The following ATP6V1B1 variants were observed in gnomAD, a reference collection of about 807,000 sequenced individuals.
ATP6V1B1 encodes the protein V-type proton ATPase subunit B, kidney isoform.
Under a neutral mutation model 62.1 loss-of-function variants are expected in ATP6V1B1, and 41 were observed. That is an observed-to-expected ratio of 0.66 (90% CI 0.51 to 0.86). The LOEUF (loss-of-function observed/expected upper bound fraction) is 0.86. ATP6V1B1 is among the 40% of genes least tolerant of loss of function. ATP6V1B1 has a pLI of 0.00. For synonymous variants in ATP6V1B1, 253 were observed against 273.4 expected (o/e 0.93, Z 0.74); for missense variants, 651 against 697.5 (o/e 0.93, Z 0.75).
intron 13 of ATP6V1B1, 23 bp from the exon 14 acceptor site, chr2:70,964,935 A>T: frequency 6.2e-7 from 1 of 1,611,766 alleles, no homozygotes; most frequent in Non-Finnish European, 8.5e-7. Flanking sequence ...CATTCCTAAC[A>T]CTCCCTCCCG....
rs564638596 is a variant in ATP6V1B1, at chr2:70,961,932, C to T, written c.785+239C>T. 64 of 566,944 alleles carry T rather than the reference C, an allele frequency of 1.1e-4. 1 individual carries two copies. The South Asian group carries it at 1.2e-3, about 11-fold the overall frequency. The allele number at this position is 566,944 out of a possible 1,614,324, so 35.1% of individuals were successfully genotyped here. ...CCTGTGCCCTCTGCTCTTCCCACAA[C>T]CCATGTCCAGCCACCATTCCAACTC... On this transcript the variant is annotated intron_variant, in intron 8 of 13. Coordinates refer to ENST00000234396, the MANE Select transcript of ATP6V1B1 (RefSeq NM_001692.4).
chr2:70,964,673 TG>T (rs1194911761), intron 12 of ATP6V1B1, 62 bp from the exon 13 acceptor site: 8 of 1,612,568 alleles, frequency 5.0e-6, no homozygotes, highest in Non-Finnish European at 6.8e-6. Context: ...GTGGCCAGGT[TG>T]GGGGCTACTG....
chr2:70,957,699 A>AGGT (rs2104824602), intron 2 of ATP6V1B1: 5 of 359,162 alleles, frequency 1.4e-5, no homozygotes, highest in Non-Finnish European at 2.2e-5. Flanking sequence ...CGTGGGAAGT[A>AGGT]GGTGTTATTA....
intron 2 of ATP6V1B1, among the ~76,000 whole-genome samples, chr2:70,950,496 T>C (rs1680298483): frequency 6.6e-6 from 1 of 151,770 alleles, no homozygotes; most frequent in Non-Finnish European, 1.5e-5. Flanking sequence ...AATTTTTTTT[T>C]GTACCTTTCT....
intron 1 of ATP6V1B1, chr2:70,941,115 A>G (rs1271419655): frequency 2.2e-6 from 1 of 458,272 alleles, no homozygotes; most frequent in African/African-American, 2.1e-5. Flanking sequence ...ACGAGGCTTC[A>G]CCATATTGCC....
At chr2:70,964,177 C>A in intron 11 of ATP6V1B1, 1 of 275,182 alleles carries the variant, frequency 3.6e-6, no homozygotes, top group Non-Finnish European at 6.5e-6. Flanking sequence ...TTTTTGTCCA[C>A]ATTATCAAAA....
At position 70,965,017 on chromosome 2, in the gene ATP6V1B1, A is replaced by G. The variant is rs782225116; in HGVS notation, c.1438A>G (p.Ile480Val). Residue 480 changes from isoleucine (I) to valine (V), a missense_variant, in exon 14 of 14, where the codon ATC becomes GTC. Physicochemically the swap from Ile to Val is conservative, Grantham distance 29. Transcript: ENST00000234396. Reference protein sequence around the residue: ...SLDLGWKLLRIFPKEMLKRIP... With the variant: ...SLDLGWKLLRVFPKEMLKRIP... Reference sequence around the variant, plus strand: ...GGACCTGGGCTGGAAGCTGCTGCGCATCTTCCCCAAGGAGATGCTGAAGCG... The same window carrying G: ...GGACCTGGGCTGGAAGCTGCTGCGCGTCTTCCCCAAGGAGATGCTGAAGCG... 4.3e-6 allele frequency: 7 copies of G among 1,613,778 alleles called. No individual in the cohort carries two copies. Among genetic ancestry groups the G allele is most frequent in the East Asian group, 4.5e-5 (2 of 44,874 alleles).
rs1181802422 is a variant in ATP6V1B1 at position 70,960,948 on chromosome 2, G to C, written c.613G>C (p.Gly205Arg). The C allele has an allele frequency of 1.2e-6, 2 of 1,609,850 alleles. No homozygotes were observed. The highest frequency in any genetic ancestry group is 2.7e-5 in the African/African-American group (2 of 74,860). ...EIAAQICRQA[G>R]LVKKSKAVLD... ...TGCCGCTCAGATCTGCCGCCAGGCGGGGCTGGTGAAGAAGTCCAAGGCTGT... is the reference window on the plus strand; with the variant it reads ...TGCCGCTCAGATCTGCCGCCAGGCGCGGCTGGTGAAGAAGTCCAAGGCTGT... Residue 205 changes from glycine (G) to arginine (R), a missense_variant, in exon 7 of 14, where the codon GGG becomes CGG. Gly to Arg is a moderately radical substitution (Grantham distance 125). Transcript: ENST00000234396.
chr2:70,963,714 T>A lies in ATP6V1B1; in HGVS notation c.1143+60T>A. ...GCCCAGAGAAACACTGAGGAACAGA[T>A]GTTTCACTGCCCCCAGGCATGAATT... is the stretch of plus-strand genomic sequence containing the variant. On this transcript the variant is annotated intron_variant, in intron 11 of 13. Transcript: ENST00000234396. This position sits in a 1 kb window ranked among gnomAD's most constrained non-coding sequence, Gnocchi z 4.3. 6.4e-7 allele frequency: 1 copy of A among 1,564,534 alleles called. No homozygotes were observed. The highest frequency in any genetic ancestry group is 8.8e-7 in the Non-Finnish European group (1 of 1,136,356).
At chr2:70,942,501 G>A in intron 1 of ATP6V1B1, 1 of 398,252 alleles carries the variant, frequency 2.5e-6, no homozygotes, top group Non-Finnish European at 4.4e-6. Context: ...CTGGGAAGGG[G>A]AGGGACTTTT....
At position 70,959,316 on chromosome 2, in the gene ATP6V1B1, C is replaced by G. The variant is rs950943729; in HGVS notation, c.445+221C>G. Among the ~76,000 whole-genome samples, 1 of 152,222 alleles carries G rather than the reference C, an allele frequency of 6.6e-6. No homozygotes were observed. The highest frequency in any genetic ancestry group is 1.5e-5 in the Non-Finnish European group (1 of 68,034). ...CATTGGGCAGTGTTCCACGCCTGCC[C>G]GAAGGCCATCATGCCCCTGCCTTTG... On this transcript the variant is annotated intron_variant, in intron 5 of 13. Transcript: ENST00000234396. The surrounding 1 kb of genome is among the most constrained non-coding windows in gnomAD (Gnocchi z 4.2).
chr2:70,953,978 G>C (rs1680376840), intron 2 of ATP6V1B1, among the ~76,000 whole-genome samples: 1 of 152,098 alleles, frequency 6.6e-6, no homozygotes, highest in South Asian at 2.1e-4. Flanking sequence ...AGTTTATCTA[G>C]TTGTGAATTT....
intron 2 of ATP6V1B1, among the ~76,000 whole-genome samples, chr2:70,949,576 G>A (rs370686056): frequency 6.6e-6 from 1 of 152,118 alleles, no homozygotes; most frequent in African/African-American, 2.4e-5. Context: ...CCACATCCTT[G>A]CTGGCCCTGA....
intron 2 of ATP6V1B1, among the ~76,000 whole-genome samples, chr2:70,949,056 T>TA (rs148337918): frequency 0.12 from 18,864 of 152,214 alleles, 1,540 homozygotes; most frequent in African/African-American, 0.23. Flanking sequence ...GCAAAAATAA[T>TA]ACATGCTCCT....
chr2:70,960,079 G>A lies in ATP6V1B1; in HGVS notation c.585+1G>A, dbSNP rs782723581. The A allele has an allele frequency of 9.3e-6, 15 of 1,614,036 alleles. No homozygotes were observed. Among genetic ancestry groups the A allele is most frequent in the East Asian group, 2.2e-5 (1 of 44,890 alleles). On this transcript the variant is annotated splice_donor_variant, in intron 6 of 13. Coordinates refer to ENST00000234396, the MANE Select transcript of ATP6V1B1 (RefSeq NM_001692.4). LOFTEE classifies it high-confidence loss of function. ...AGCAGCCGGGCTCCCCCACAATGAG[G>A]TGAGGCCTGCAGGGCCAGCAGGCAT... is the stretch of plus-strand genomic sequence containing the variant.
Position 70,958,025 on chromosome 2 carries a change from GCT to G in ATP6V1B1, c.175-20_175-19del. Reference sequence around the variant, plus strand: ...TTGCCTCCAGTCTCACTGTCACGTGGCTGCTCTCCCCTCCTGCCAGTTTGCCC... The same window carrying G: ...TTGCCTCCAGTCTCACTGTCACGTGGGCTCTCCCCTCCTGCCAGTTTGCCC... On this transcript the variant is annotated intron_variant, in intron 2 of 13. Coordinates refer to ENST00000234396, the MANE Select transcript of ATP6V1B1 (RefSeq NM_001692.4). 1 of 1,608,700 alleles carries G rather than the reference GCT, an allele frequency of 6.2e-7. No homozygotes were observed. The highest frequency in any genetic ancestry group is 1.7e-5 in the Admixed American group (1 of 59,476).
Position 70,963,485 on chromosome 2 carries a change from C to T in ATP6V1B1, c.1061-87C>T, listed in dbSNP as rs1250766389. On this transcript the variant is annotated intron_variant, in intron 10 of 13. Transcript: ENST00000234396. This position sits in a 1 kb window ranked among gnomAD's most constrained non-coding sequence, Gnocchi z 4.3. ...ATGCCCCCCACACATCCCTATCACT[C>T]CCATGAGGGAAACAGACCCCAGGTG... 5 of 1,537,178 alleles carry T rather than the reference C, an allele frequency of 3.3e-6. No individual in the cohort carries two copies. In the African/African-American group the frequency reaches 4.1e-5, roughly 13 times the overall value.
intron 8 of ATP6V1B1, among the ~76,000 whole-genome samples, chr2:70,962,460 C>G (rs1000872799): frequency 3.3e-5 from 5 of 152,148 alleles, no homozygotes; most frequent in African/African-American, 1.2e-4. Context: ...CCCCTTCGGT[C>G]CACAGGGGAC....
Position 70,965,118 on chromosome 2 carries a change from C to T in ATP6V1B1, c.1539C>T (p.Leu513=). 1 of 1,609,584 alleles carries T rather than the reference C, an allele frequency of 6.2e-7. No homozygotes were observed. The highest frequency in any genetic ancestry group is 8.5e-7 in the Non-Finnish European group (1 of 1,179,930). Residue 513 remains leucine, a synonymous_variant, in exon 14 of 14, where the codon CTC becomes CTT. Coordinates refer to ENST00000234396, the MANE Select transcript of ATP6V1B1 (RefSeq NM_001692.4). ...AGGACCTCGCGCCTGACACTGCGCTCTAGCCCCGCGCGCCGTGGCACCCCA... is the reference window on the plus strand; with the variant it reads ...AGGACCTCGCGCCTGACACTGCGCTTTAGCCCCGCGCGCCGTGGCACCCCA... ...ALQDLAPDTA[L]
Sources: gnomAD v4.1 joint callset for allele counts (sites outside exome capture counted in the v4.1 genomes callset) on GRCh38, gnomAD v4.1.1 for gene constraint, Gnocchi (gnomAD v3.1) non-coding constraint, MANE v1.5 for transcripts, NCBI Gene and HGNC (gene_info 2026-07-23, HGNC 2026-07-21) for gene names.